The following EIF4E3 variants were observed in gnomAD, a reference collection of about 807,000 sequenced individuals.
EIF4E3 encodes eukaryotic translation initiation factor 4E family member 3.
In EIF4E3, 26 loss-of-function variants were observed where a neutral mutation model predicts 31.7. The observed-to-expected ratio is 0.82, with a 90% CI of 0.60 to 1.14. The LOEUF is 1.14. EIF4E3 is among the 50% of genes most tolerant of loss of function. The probability of loss-of-function intolerance (pLI) is 0.00; values close to 1 mark genes in which losing one functional copy is unlikely to be tolerated. For synonymous variants in EIF4E3, 128 were observed against 107.7 expected (o/e 1.19, Z -1.17); for missense variants, 304 against 270.9 (o/e 1.12, Z -0.86).
At chr3:71,716,318 C>T (rs1003051442) in intron 1 of EIF4E3, among the ~76,000 whole-genome samples, 51 of 152,164 alleles carry the variant, frequency 3.4e-4, no homozygotes, top group African/African-American at 1.2e-3. Flanking sequence ...CTGCAAGCTC[C>T]GCCTCCCGGG....
At chr3:71,707,555 G>A (rs955852749) in intron 2 of EIF4E3, among the ~76,000 whole-genome samples, 2 of 152,162 alleles carry the variant, frequency 1.3e-5, no homozygotes, top group African/African-American at 4.8e-5. Context: ...AGACAGCTGA[G>A]ACAGAAAGGA....
chr3:71,667,966 A>T, the EIF4E3 span, among the ~76,000 whole-genome samples: 38 of 152,320 alleles, frequency 2.5e-4, no homozygotes, highest in Admixed American at 2.5e-3. Flanking sequence ...AACAAAAAGA[A>T]CAAAGCTGGA....
At chr3:71,711,223 G>A (rs1017211238) in intron 1 of EIF4E3, among the ~76,000 whole-genome samples, 1 of 152,200 alleles carries the variant, frequency 6.6e-6, no homozygotes, top group Non-Finnish European at 1.5e-5. Context: ...CAAACCTTAG[G>A]AGTTCAAGAC....
At chr3:71,689,905 C>A in intron 6 of EIF4E3, 105 bp downstream of exon 6, 1 of 1,116,766 alleles carries the variant, frequency 9.0e-7, no homozygotes, top group South Asian at 3.2e-5. Context: ...TCTGAATTAT[C>A]AAATTTCAAG....
At chr3:71,738,689 G>T (rs555174526) in intron 1 of EIF4E3, among the ~76,000 whole-genome samples, 2 of 152,120 alleles carry the variant, frequency 1.3e-5, no homozygotes, top group South Asian at 4.2e-4. Context: ...AAAGGAGATA[G>T]GCAATAGAAA....
At chr3:71,689,859 A>G in intron 6 of EIF4E3, 151 bp downstream of exon 6, 1 of 813,828 alleles carries the variant, frequency 1.2e-6, no homozygotes, top group Non-Finnish European at 1.7e-6. Flanking sequence ...TTTTTTAAAA[A>G]AAAAAAAAAC....
At chr3:71,711,295 G>C (rs1273350127) in intron 1 of EIF4E3, among the ~76,000 whole-genome samples, 1 of 152,176 alleles carries the variant, frequency 6.6e-6, no homozygotes, top group African/African-American at 2.4e-5. Flanking sequence ...GCTCAAAAAT[G>C]TTGGGGTACA....
At chr3:71,684,869 T>A (rs534295694) in intron 6 of EIF4E3, 141 bp from the exon 7 acceptor site, 258 of 783,268 alleles carry the variant, frequency 3.3e-4, no homozygotes, top group African/African-American at 2.0e-3. Flanking sequence ...TTATTTATTT[T>A]TTTGCCAGTA....
At chr3:71,688,107 T>C (rs902172357) in intron 6 of EIF4E3, among the ~76,000 whole-genome samples, 1 of 152,190 alleles carries the variant, frequency 6.6e-6, no homozygotes, top group Non-Finnish European at 1.5e-5. Flanking sequence ...GCTGAGACCC[T>C]TCCTCAGTTC....
chr3:71,662,016 C>T, the EIF4E3 span, among the ~76,000 whole-genome samples: 1 of 152,174 alleles, frequency 6.6e-6, no homozygotes, highest in Admixed American at 6.5e-5. Flanking sequence ...CAAGCGAATA[C>T]ATGTAATTTG....
intron 1 of EIF4E3, among the ~76,000 whole-genome samples, chr3:71,717,184 G>A (rs960128470): frequency 3.9e-5 from 6 of 152,154 alleles, no homozygotes; most frequent in East Asian, 1.9e-4. Context: ...AGCATCACCC[G>A]GGAGCTTGTT....
the EIF4E3 span, among the ~76,000 whole-genome samples, chr3:71,666,615 A>T: frequency 6.6e-6 from 1 of 152,188 alleles, no homozygotes; most frequent in Non-Finnish European, 1.5e-5. Context: ...TCATCCTGAT[A>T]CCAAAACTTG....
chr3:71,667,786 C>T, the EIF4E3 span, among the ~76,000 whole-genome samples: 1 of 152,292 alleles, frequency 6.6e-6, no homozygotes, highest in South Asian at 2.1e-4. Context: ...ATTCCCTGCT[C>T]ATGAATAGGA....
At chr3:71,729,495 C>G (rs1488108225), upstream of EIF4E3, among the ~76,000 whole-genome samples, 1 of 152,158 alleles carries the variant, frequency 6.6e-6, no homozygotes, top group Non-Finnish European at 1.5e-5. Flanking sequence ...TGGGTCAAAG[C>G]TAGTTCTCCC....
At chr3:71,709,021 T>C (rs559278831) in intron 2 of EIF4E3, among the ~76,000 whole-genome samples, 29 of 151,994 alleles carry the variant, frequency 1.9e-4, no homozygotes, top group Non-Finnish European at 2.9e-5. Flanking sequence ...CACCTTACAA[T>C]CAGATTCCTG....
At chr3:71,706,369 C>T (rs2049293074) in intron 2 of EIF4E3, among the ~76,000 whole-genome samples, 1 of 152,144 alleles carries the variant, frequency 6.6e-6, no homozygotes, top group Non-Finnish European at 1.5e-5. Context: ...CTTTGATTTG[C>T]TAAAGGGCCT....
intron 6 of EIF4E3, among the ~76,000 whole-genome samples, chr3:71,687,748 T>C (rs1440854849): frequency 2.0e-5 from 3 of 152,230 alleles, no homozygotes; most frequent in Non-Finnish European, 2.9e-5. Flanking sequence ...ATCTACCCGC[T>C]AGAGGCCATG....
intron 1 of EIF4E3, among the ~76,000 whole-genome samples, chr3:71,713,166 T>A (rs2049408908): frequency 6.6e-6 from 1 of 152,232 alleles, no homozygotes; most frequent in Admixed American, 6.5e-5. Flanking sequence ...AAGCACTGAA[T>A]CCCTGCAATC....
intron 6 of EIF4E3, among the ~76,000 whole-genome samples, chr3:71,688,015 G>GTT (rs3839078): frequency 6.6e-6 from 1 of 151,588 alleles, no homozygotes; most frequent in Non-Finnish European, 1.5e-5. Context: ...AAAACTGCTT[G>GTT]TTTTTTTTCA....
Sources: gnomAD v4.1 joint callset for allele counts (sites outside exome capture counted in the v4.1 genomes callset) on GRCh38, gnomAD v4.1.1 for gene constraint, MANE v1.5 for transcripts, NCBI Gene and HGNC (gene_info 2026-07-23, HGNC 2026-07-21) for gene names.